The following PAK5 variants were observed in gnomAD, a reference collection of about 807,000 sequenced individuals.
The protein encoded by PAK5 is p21 (RAC1) activated kinase 5, also known as serine/threonine-protein kinase PAK 5.
PAK5 carries 16 observed loss-of-function variants against 65.9 expected under a neutral mutation model. The ratio of observed to expected loss-of-function variants is 0.24; its 90% CI spans 0.16 to 0.37. The LOEUF is 0.37. PAK5 is among the 10% of genes least tolerant of loss of function. The pLI is 1.00. For missense variants in PAK5, 785 were observed against 903.9 expected, an observed-to-expected ratio of 0.87 and a Z score of 1.69; for synonymous variants, 371 against 354.9, an observed-to-expected ratio of 1.05 and a Z score of -0.51.
At chr20:9,605,907 G>A (rs2046445701) in intron 3 of PAK5, among the ~76,000 whole-genome samples, 1 of 152,150 alleles carries the variant, frequency 6.6e-6, no homozygotes, top group South Asian at 2.1e-4. Context: ...TCCAGCCTGG[G>A]TGACAGAGCG....
chr20:9,715,697 C>T (rs1303845586), intron 1 of PAK5, among the ~76,000 whole-genome samples: 2 of 151,876 alleles, frequency 1.3e-5, no homozygotes, highest in Non-Finnish European at 2.9e-5. Context: ...ACATATACAC[C>T]ATGGAATACT....
chr20:9,685,746 G>A (rs748148348), intron 2 of PAK5, among the ~76,000 whole-genome samples: 5 of 152,206 alleles, frequency 3.3e-5, no homozygotes, highest in Non-Finnish European at 7.3e-5. Flanking sequence ...AATTTCAAGA[G>A]GTGATATGGT....
chr20:9,571,485 T>TAGTTCTTCTGCCGGGGTC (rs2045780097), intron 4 of PAK5, among the ~76,000 whole-genome samples: 1 of 152,202 alleles, frequency 6.6e-6, no homozygotes. Context: ...CGACATAACC[T>TAGTTCTTCTGCCGGGGTC]AGTTCTTCTG....
intron 4 of PAK5, among the ~76,000 whole-genome samples, chr20:9,579,781 A>G (rs1206808104): frequency 4.6e-5 from 7 of 152,216 alleles, no homozygotes; most frequent in Non-Finnish European, 8.8e-5. Flanking sequence ...GGCTCGATCT[A>G]ATGCTCTATG....
chr20:9,545,799 C>G (rs2045335279), intron 7 of PAK5, among the ~76,000 whole-genome samples: 1 of 152,210 alleles, frequency 6.6e-6, no homozygotes, highest in Non-Finnish European at 1.5e-5. Context: ...CAGCATCCCT[C>G]TCTCTGCTCC....
chr20:9,749,508 G>T (rs1447060931), intron 1 of PAK5, among the ~76,000 whole-genome samples: 1 of 152,094 alleles, frequency 6.6e-6, no homozygotes, highest in African/African-American at 2.4e-5. Flanking sequence ...CCTGTCCAGG[G>T]CTCACTCATG....
At chr20:9,624,072 T>C (rs1378691637) in intron 3 of PAK5, among the ~76,000 whole-genome samples, 3 of 152,210 alleles carry the variant, frequency 2.0e-5, no homozygotes, top group Non-Finnish European at 4.4e-5. Flanking sequence ...GTCAAGACAA[T>C]TTTAACCCAA....
intron 2 of PAK5, among the ~76,000 whole-genome samples, chr20:9,672,293 TG>T (rs2047510662): frequency 6.7e-6 from 1 of 150,074 alleles, no homozygotes; most frequent in African/African-American, 2.5e-5. Context: ...TATTTCAGTA[TG>T]TATGGTTATT....
chr20:9,628,765 A>G (rs537086439), intron 3 of PAK5, among the ~76,000 whole-genome samples: 2 of 152,242 alleles, frequency 1.3e-5, no homozygotes, highest in South Asian at 4.1e-4. Context: ...GAAATTTCCT[A>G]TCCATGCTGA....
At chr20:9,653,762 T>G (rs6039536) in intron 2 of PAK5, among the ~76,000 whole-genome samples, 1 of 152,088 alleles carries the variant, frequency 6.6e-6, no homozygotes, top group Admixed American at 6.6e-5. Flanking sequence ...TTCTGGAGGT[T>G]GGAAGTATAA....
chr20:9,558,527 T>C (rs564364243), intron 6 of PAK5, among the ~76,000 whole-genome samples: 4 of 152,300 alleles, frequency 2.6e-5, no homozygotes, highest in Non-Finnish European at 4.4e-5. Flanking sequence ...TAAATGATCA[T>C]AAGAAAATCC....
At chr20:9,836,278 C>A (rs1395804845) in intron 1 of PAK5, among the ~76,000 whole-genome samples, 2 of 152,138 alleles carry the variant, frequency 1.3e-5, no homozygotes, top group Non-Finnish European at 2.9e-5. Flanking sequence ...CATGCCCATC[C>A]AGAACCTGTG....
chr20:9,796,635 A>C, intron 1 of PAK5, among the ~76,000 whole-genome samples: 1 of 152,098 alleles, frequency 6.6e-6, no homozygotes, highest in East Asian at 1.9e-4. Context: ...GCAGGAAAAA[A>C]GGATTGAAGA....
chr20:9,739,300 C>G (rs2048425538), intron 1 of PAK5, among the ~76,000 whole-genome samples: 1 of 151,108 alleles, frequency 6.6e-6, no homozygotes, highest in Non-Finnish European at 1.5e-5. Context: ...TTGGCTAGAG[C>G]TATAGAAATA....
intron 3 of PAK5, among the ~76,000 whole-genome samples, chr20:9,629,403 G>T (rs1379312589): frequency 8.5e-5 from 13 of 152,072 alleles, no homozygotes; most frequent in Non-Finnish European, 1.5e-4. Flanking sequence ...CACAGACTGG[G>T]GTGGCTGCCT....
intron 1 of PAK5, among the ~76,000 whole-genome samples, chr20:9,771,793 C>A (rs546763094): frequency 8.6e-5 from 13 of 151,934 alleles, no homozygotes; most frequent in South Asian, 4.1e-4. Flanking sequence ...AATATCAACA[C>A]TTTGGGAGTC....
At chr20:9,746,274 A>T (rs2048506875) in intron 1 of PAK5, among the ~76,000 whole-genome samples, 1 of 152,140 alleles carries the variant, frequency 6.6e-6, no homozygotes. Flanking sequence ...CCATCATGGC[A>T]GTGCAGGTCT....
At chr20:9,716,526 G>A (rs914240018) in intron 1 of PAK5, among the ~76,000 whole-genome samples, 2 of 152,044 alleles carry the variant, frequency 1.3e-5, no homozygotes, top group African/African-American at 4.8e-5. Flanking sequence ...TCTGTATTTT[G>A]TTAGCATCAT....
intron 3 of PAK5, among the ~76,000 whole-genome samples, chr20:9,586,671 G>A: frequency 6.6e-6 from 1 of 151,998 alleles, no homozygotes; most frequent in East Asian, 1.9e-4. Flanking sequence ...CAATTTCATA[G>A]GGATTTTTTG....
Sources: gnomAD v4.1 joint callset for allele counts (sites outside exome capture counted in the v4.1 genomes callset) on GRCh38, gnomAD v4.1.1 for gene constraint, MANE v1.5 for transcripts, NCBI Gene and HGNC (gene_info 2026-07-23, HGNC 2026-07-21) for gene names.